The following IQCJ variants were observed in gnomAD, a reference collection of about 807,000 sequenced individuals.
IQCJ encodes the protein IQ domain-containing protein J.
In IQCJ, 9 loss-of-function variants were observed where a neutral mutation model predicts 11.0. The observed-to-expected ratio is 0.82, with a 90% confidence interval of 0.49 to 1.43. The LOEUF is 1.43. Ranked by LOEUF, IQCJ falls within the 40% of genes most tolerant of loss-of-function variation. IQCJ has a pLI of 0.00. For missense variants in IQCJ, 146 were observed against 133.2 expected, an observed-to-expected ratio of 1.10 and a Z score of -0.47; for synonymous variants, 55 against 51.3, an observed-to-expected ratio of 1.07 and a Z score of -0.31.
At chr3:159,167,883 G>A (rs1432153943) in intron 1 of IQCJ, among the ~76,000 whole-genome samples, 1 of 152,230 alleles carries the variant, frequency 6.6e-6, no homozygotes, top group African/African-American at 2.4e-5. Context: ...GAAGACAAGA[G>A]ATAAAACTTA....
At chr3:159,246,321 A>T (rs1727267300) in intron 2 of IQCJ, among the ~76,000 whole-genome samples, 1 of 152,244 alleles carries the variant, frequency 6.6e-6, no homozygotes, top group Admixed American at 6.5e-5. Flanking sequence ...AATAAAGCAA[A>T]AAAGAAGAGA....
At chr3:159,155,587 A>G (rs1721472072) in intron 1 of IQCJ, among the ~76,000 whole-genome samples, 1 of 152,226 alleles carries the variant, frequency 6.6e-6, no homozygotes, top group Non-Finnish European at 1.5e-5. Flanking sequence ...ATAATATCAA[A>G]CAAAAATATA....
chr3:159,112,137 G>T (rs1352049018), intron 1 of IQCJ, among the ~76,000 whole-genome samples: 1 of 152,044 alleles, frequency 6.6e-6, no homozygotes, highest in Non-Finnish European at 1.5e-5. Context: ...ACAGCCCTTG[G>T]GTCTTGCCCT....
intron 1 of IQCJ, among the ~76,000 whole-genome samples, chr3:159,159,188 G>A (rs1385158447): frequency 6.6e-6 from 1 of 152,224 alleles, no homozygotes; most frequent in Non-Finnish European, 1.5e-5. Context: ...GGGCTATAGA[G>A]GTGGTCCCTC....
At chr3:159,157,998 CA>C in intron 1 of IQCJ, among the ~76,000 whole-genome samples, 1 of 152,134 alleles carries the variant, frequency 6.6e-6, no homozygotes, top group African/African-American at 2.4e-5. Flanking sequence ...ACAAACAATG[CA>C]ACAATGAATA....
intron 1 of IQCJ, among the ~76,000 whole-genome samples, chr3:159,243,797 C>G (rs967375275): frequency 2.0e-5 from 3 of 152,198 alleles, no homozygotes; most frequent in Non-Finnish European, 2.9e-5. Flanking sequence ...TACAAGACCA[C>G]TCAGGTTATT....
intron 1 of IQCJ, among the ~76,000 whole-genome samples, chr3:159,145,522 AT>A (rs1329064969): frequency 1.3e-5 from 2 of 152,060 alleles, no homozygotes; most frequent in African/African-American, 4.8e-5. Context: ...TTGTAAAAAA[AT>A]GTTTGTGACC....
At chr3:159,102,294 C>A (rs570278059) in intron 1 of IQCJ, among the ~76,000 whole-genome samples, 2 of 152,282 alleles carry the variant, frequency 1.3e-5, no homozygotes, top group Non-Finnish European at 2.9e-5. Flanking sequence ...AATGTATTCA[C>A]TTTTACAGTA....
At chr3:159,215,110 A>G (rs1312374812) in intron 1 of IQCJ, among the ~76,000 whole-genome samples, 1 of 152,200 alleles carries the variant, frequency 6.6e-6, no homozygotes, top group Non-Finnish European at 1.5e-5. Flanking sequence ...GGGAGCCTTC[A>G]CAAGGAAATG....
intron 1 of IQCJ, among the ~76,000 whole-genome samples, chr3:159,231,384 C>G (rs1726237583): frequency 6.6e-6 from 1 of 152,178 alleles, no homozygotes; most frequent in Admixed American, 6.5e-5. Flanking sequence ...TTCTTCCCCC[C>G]ACATCTAATC....
At chr3:159,266,287 G>C (rs922882777), downstream of IQCJ, 5 of 152,222 alleles carry the variant, frequency 3.3e-5, no homozygotes, top group African/African-American at 1.2e-4. Context: ...ATCAGTTCAT[G>C]CATTTCTAAG....
At chr3:159,073,838 T>G (rs1411643919) in intron 1 of IQCJ, among the ~76,000 whole-genome samples, 1 of 152,142 alleles carries the variant, frequency 6.6e-6, no homozygotes, top group Non-Finnish European at 1.5e-5. Flanking sequence ...CAATCTCGAC[T>G]GAGGGCTGAA....
intron 1 of IQCJ, among the ~76,000 whole-genome samples, chr3:159,082,818 G>T (rs1716413323): frequency 6.6e-6 from 1 of 152,056 alleles, no homozygotes; most frequent in Admixed American, 6.6e-5. Flanking sequence ...GATTAGATGG[G>T]GGAGGACATG....
intron 1 of IQCJ, among the ~76,000 whole-genome samples, chr3:159,152,910 C>T (rs1577044527): frequency 6.6e-6 from 1 of 151,876 alleles, no homozygotes; most frequent in Non-Finnish European, 1.5e-5. Context: ...AGGTAGTACG[C>T]CATAAGTGAC....
chr3:159,151,248 C>CA (rs1321425285), intron 1 of IQCJ, among the ~76,000 whole-genome samples: 1 of 152,192 alleles, frequency 6.6e-6, no homozygotes, highest in Non-Finnish European at 1.5e-5. Flanking sequence ...CGTGGGGAGC[C>CA]ACTGTGCTCT....
intron 1 of IQCJ, 46 bp downstream of exon 1, chr3:159,069,487 A>G: frequency 6.3e-7 from 1 of 1,578,510 alleles, no homozygotes; most frequent in South Asian, 1.2e-5. Context: ...TGTGCATTAT[A>G]TGCAGCTGCT....
chr3:159,087,495 A>G (rs1210960856), intron 1 of IQCJ, among the ~76,000 whole-genome samples: 6 of 151,938 alleles, frequency 3.9e-5, no homozygotes, highest in Non-Finnish European at 8.8e-5. Flanking sequence ...AAGGAATGGT[A>G]CCAAGTCCTC....
chr3:159,248,352 A>T (rs972038680), intron 2 of IQCJ, among the ~76,000 whole-genome samples: 1 of 152,194 alleles, frequency 6.6e-6, no homozygotes, highest in African/African-American at 2.4e-5. Flanking sequence ...TGACCAAATG[A>T]AGTTTCTGTT....
intron 3 of IQCJ, among the ~76,000 whole-genome samples, chr3:159,255,333 A>G (rs559747732): frequency 7.2e-5 from 11 of 152,250 alleles, no homozygotes; most frequent in Admixed American, 7.2e-4. Context: ...AGTGTCTGCA[A>G]GCCCTGAGGG....
Sources: gnomAD v4.1 joint callset for allele counts (sites outside exome capture counted in the v4.1 genomes callset) on GRCh38, gnomAD v4.1.1 for gene constraint, MANE v1.5 for transcripts, NCBI Gene and HGNC (gene_info 2026-07-23, HGNC 2026-07-21) for gene names.